Variants in TAF4B observed in about 807,000 individuals in gnomAD.
TAF4B encodes TATA-box binding protein associated factor 4b, also known as transcription initiation factor TFIID subunit 4B.
TAF4B carries 38 observed loss-of-function variants against 86.4 expected under a neutral mutation model. That is an observed-to-expected ratio of 0.44 (90% confidence interval 0.34 to 0.58). The LOEUF (loss-of-function observed/expected upper bound fraction) is 0.58. TAF4B is among the 20% of genes least tolerant of loss of function. The probability of loss-of-function intolerance (pLI) is 0.02; values close to 1 mark genes in which losing one functional copy is unlikely to be tolerated. For synonymous variants in TAF4B, 388 were observed against 391.2 expected (o/e 0.99, Z 0.10); for missense variants, 988 against 1,027.6 (o/e 0.96, Z 0.53).
chr18:26,229,494 CTTTT>C (rs34261854), intron 1 of TAF4B, among the ~76,000 whole-genome samples: 41 of 129,368 alleles, frequency 3.2e-4, no homozygotes, highest in African/African-American at 1.1e-3. Flanking sequence ...TTCTTTCTTT[CTTTT>C]TTTTTTTTTT....
intron 1 of TAF4B, among the ~76,000 whole-genome samples, chr18:26,230,756 T>C (rs953011774): frequency 1.3e-5 from 2 of 152,194 alleles, no homozygotes; most frequent in African/African-American, 4.8e-5. Flanking sequence ...TCCCTGCTTC[T>C]GTAATCAGGG....
chr18:26,330,868 A>T (rs772296243), intron 12 of TAF4B, among the ~76,000 whole-genome samples: 1 of 152,158 alleles, frequency 6.6e-6, no homozygotes, highest in Non-Finnish European at 1.5e-5. Flanking sequence ...TAATCTCTCA[A>T]CTAGCCATGC....
Position 26,292,319 on chromosome 18 carries a change from A to G in TAF4B, c.1664A>G (p.Gln555Arg). 1 of 1,614,220 alleles carries G rather than the reference A, an allele frequency of 6.2e-7. No homozygotes were observed. The highest frequency in any genetic ancestry group is 1.3e-5 in the African/African-American group (1 of 75,066). The part of the protein sequence containing the change: ...TISHSSTLTI[Q>R]KCGQKTMPVN... Reference sequence around the variant, plus strand: ...TCACATTCCTCAACATTGACCATTCAGAAATGTGGACAGAAGACGATGCCA... The same window carrying G: ...TCACATTCCTCAACATTGACCATTCGGAAATGTGGACAGAAGACGATGCCA... Residue 555 changes from glutamine (Q) to arginine (R), a missense_variant, in exon 8 of 15, where the codon CAG becomes CGG. Gln to Arg is a conservative substitution (Grantham distance 43). This residue lies in a region of TAF4B where 747 missense variants were observed against 737.9 expected (regional missense o/e 1.01). Coordinates refer to ENST00000269142, the MANE Select transcript of TAF4B (RefSeq NM_005640.3).
intron 3 of TAF4B, among the ~76,000 whole-genome samples, chr18:26,270,208 AG>A (rs1568117710): frequency 6.6e-6 from 1 of 152,216 alleles, no homozygotes; most frequent in Non-Finnish European, 1.5e-5. Flanking sequence ...GGATAACTGA[AG>A]GAACTCCATT....
intron 13 of TAF4B, among the ~76,000 whole-genome samples, chr18:26,346,169 G>GATA (rs2057177414): frequency 6.6e-6 from 1 of 152,092 alleles, no homozygotes; most frequent in Non-Finnish European, 1.5e-5. Flanking sequence ...GATAGATATC[G>GATA]TAATAAAGAA....
At chr18:26,303,824 C>T (rs972898705) in intron 9 of TAF4B, among the ~76,000 whole-genome samples, 1 of 152,166 alleles carries the variant, frequency 6.6e-6, no homozygotes, top group Non-Finnish European at 1.5e-5. Context: ...GGCCCACTGT[C>T]TTCCAGCTGA....
At chr18:26,264,375 AGGTT>A (rs2144536397) in intron 1 of TAF4B, among the ~76,000 whole-genome samples, 1 of 152,340 alleles carries the variant, frequency 6.6e-6, no homozygotes, top group Admixed American at 6.5e-5. Context: ...CAGGAGGCGG[AGGTT>A]GCAGTGAGCC....
chr18:26,259,184 T>TC (rs964792130), intron 1 of TAF4B, among the ~76,000 whole-genome samples: 8 of 150,686 alleles, frequency 5.3e-5, no homozygotes, highest in Non-Finnish European at 8.9e-5. Flanking sequence ...TTTTTTTTTT[T>TC]CTGTTCCTTT....
intron 14 of TAF4B, among the ~76,000 whole-genome samples, chr18:26,377,272 T>C (rs957878490): frequency 3.9e-5 from 6 of 152,194 alleles, no homozygotes; most frequent in African/African-American, 1.2e-4. Flanking sequence ...CTTTAAATGT[T>C]TGATAGATTT....
chr18:26,337,424 C>CTTTTTTTTTTTTT (rs551888808), intron 13 of TAF4B, among the ~76,000 whole-genome samples: 4 of 126,140 alleles, frequency 3.2e-5, no homozygotes, highest in East Asian at 2.3e-4. Context: ...TTCTTTCTTT[C>CTTTTTTTTTTTTT]TTTTTTTTTT....
intron 13 of TAF4B, chr18:26,348,462 C>G (rs1212150473): frequency 6.5e-6 from 1 of 153,940 alleles, no homozygotes; most frequent in Non-Finnish European, 1.5e-5. Flanking sequence ...AGAAGGCTTA[C>G]AGATGTAGTA....
At chr18:26,304,636 T>G in intron 9 of TAF4B, 4 of 779,706 alleles carry the variant, frequency 5.1e-6, no homozygotes, top group Non-Finnish European at 6.2e-6. Context: ...GGAACTTGAC[T>G]TACCCAGGAG....
chr18:26,301,926 G>T (rs2056737798), intron 9 of TAF4B, among the ~76,000 whole-genome samples: 1 of 152,196 alleles, frequency 6.6e-6, no homozygotes, highest in Non-Finnish European at 1.5e-5. Context: ...ATCAGCATGT[G>T]CCCAGAGGAA....
intron 5 of TAF4B, among the ~76,000 whole-genome samples, chr18:26,279,559 A>C (rs182228880): frequency 6.7e-4 from 102 of 151,144 alleles, no homozygotes; most frequent in South Asian, 1.9e-3. Context: ...AAAAAAAAAA[A>C]AACAACAACA....
intron 1 of TAF4B, among the ~76,000 whole-genome samples, chr18:26,244,405 A>G (rs535343464): frequency 3.3e-4 from 50 of 152,238 alleles, no homozygotes; most frequent in African/African-American, 1.1e-3. Context: ...CTTGTGTGCT[A>G]TTTGCTAAGA....
chr18:26,349,294 A>G (rs559452625), intron 13 of TAF4B, among the ~76,000 whole-genome samples: 190 of 152,206 alleles, frequency 1.2e-3, no homozygotes, highest in African/African-American at 4.4e-3. Context: ...CCCAGTGTCT[A>G]TTGTTGCCGT....
At chr18:26,386,731 T>C (rs1330101291) in intron 14 of TAF4B, among the ~76,000 whole-genome samples, 1 of 151,896 alleles carries the variant, frequency 6.6e-6, no homozygotes, top group Non-Finnish European at 1.5e-5. Flanking sequence ...ACCCAGTCGT[T>C]ATTGCTGTGT....
At chr18:26,266,232 C>T (rs2056237887) in intron 2 of TAF4B, 1 of 152,238 alleles carries the variant, frequency 6.6e-6, no homozygotes, top group Non-Finnish European at 1.5e-5. Flanking sequence ...CCTGCCTCAG[C>T]CTCCTGAGTA....
At chr18:26,338,382 G>C (rs959951146) in intron 13 of TAF4B, among the ~76,000 whole-genome samples, 7 of 151,780 alleles carry the variant, frequency 4.6e-5, no homozygotes, top group African/African-American at 1.7e-4. Flanking sequence ...CTGAGTGGCA[G>C]AGGTTGCAGT....
Sources: gnomAD v4.1 joint callset for allele counts (sites outside exome capture counted in the v4.1 genomes callset) on GRCh38, gnomAD v4.1.1 for gene constraint, gnomAD v4.1.1 regional missense constraint, MANE v1.5 for transcripts, NCBI Gene and HGNC (gene_info 2026-07-23, HGNC 2026-07-21) for gene names.